Variants in SNX30 observed in about 807,000 individuals in gnomAD.
SNX30 encodes sorting nexin family member 30, also known as sorting nexin-30.
A neutral mutation model predicts 46.4 loss-of-function variants in SNX30; 24 were observed. The ratio of observed to expected loss-of-function variants is 0.52; its 90% confidence interval spans 0.37 to 0.73. The LOEUF (loss-of-function observed/expected upper bound fraction) is 0.73, where lower values mean the gene tolerates loss of function less well. Ranked by LOEUF, SNX30 falls within the 30% of genes least tolerant of loss-of-function variation. SNX30 has a pLI of 0.00. For synonymous variants in SNX30, 189 were observed against 211.5 expected (o/e 0.89, Z 0.92); for missense variants, 533 against 555.7 (o/e 0.96, Z 0.41).
chr9:112,863,127 G>A (rs1841263368), intron 7 of SNX30, among the ~76,000 whole-genome samples: 1 of 152,186 alleles, frequency 6.6e-6, no homozygotes, highest in South Asian at 2.1e-4. Context: ...AAGGTGTCCA[G>A]CTCCCTCAGG....
intron 2 of SNX30, among the ~76,000 whole-genome samples, chr9:112,809,946 A>G (rs943901475): frequency 3.9e-5 from 6 of 152,108 alleles, no homozygotes; most frequent in African/African-American, 1.4e-4. Context: ...TTGGTAGAGA[A>G]GAAGGCATTA....
At chr9:112,836,517 T>A in intron 5 of SNX30, 108 bp downstream of exon 5, 1 of 1,209,706 alleles carries the variant, frequency 8.3e-7, no homozygotes, top group Non-Finnish European at 1.1e-6. Context: ...GTGACAGAAC[T>A]AGGCCATCTT....
downstream of SNX30, among the ~76,000 whole-genome samples, chr9:112,876,761 A>C (rs1206581273): frequency 6.6e-6 from 1 of 151,536 alleles, no homozygotes; most frequent in Non-Finnish European, 1.5e-5. Flanking sequence ...ACATGGCGAA[A>C]CCTGTCTCTA....
At chr9:112,790,183 T>C (rs977143928) in intron 1 of SNX30, among the ~76,000 whole-genome samples, 2 of 152,216 alleles carry the variant, frequency 1.3e-5, no homozygotes, top group Non-Finnish European at 2.9e-5. Flanking sequence ...CTATCAATAG[T>C]TAAGATACAT....
At chr9:112,810,155 GTGGTT>G (rs1840298297) in intron 2 of SNX30, among the ~76,000 whole-genome samples, 1 of 152,124 alleles carries the variant, frequency 6.6e-6, no homozygotes, top group South Asian at 2.1e-4. Flanking sequence ...AAGGGTGGGG[GTGGTT>G]TGAAGTGGGG....
intron 1 of SNX30, among the ~76,000 whole-genome samples, chr9:112,790,544 G>A (rs1032874167): frequency 2.0e-5 from 3 of 152,190 alleles, no homozygotes; most frequent in Non-Finnish European, 2.9e-5. Flanking sequence ...GCTCTGATCC[G>A]ATGTACATTC....
At chr9:112,879,775 A>G (rs778157773), downstream of SNX30, 64 of 1,612,422 alleles carry the variant, frequency 4.0e-5, no homozygotes, top group Middle Eastern at 3.3e-4. Flanking sequence ...TTTCTCTATG[A>G]TGTCTCCATA....
intron 1 of SNX30, among the ~76,000 whole-genome samples, chr9:112,764,224 A>G (rs909876645): frequency 2.0e-5 from 3 of 152,212 alleles, no homozygotes; most frequent in Non-Finnish European, 4.4e-5. Context: ...AGCACATACT[A>G]AAGCTTAGCA....
chr9:112,831,805 T>C (rs1194754419), intron 4 of SNX30, among the ~76,000 whole-genome samples: 1 of 152,210 alleles, frequency 6.6e-6, no homozygotes, highest in Non-Finnish European at 1.5e-5. Flanking sequence ...TTGGCAGAAC[T>C]GGCCAGAAAA....
chr9:112,828,163 G>C (rs150428277), intron 3 of SNX30, among the ~76,000 whole-genome samples: 2 of 152,302 alleles, frequency 1.3e-5, no homozygotes, highest in South Asian at 2.1e-4. Flanking sequence ...TGACAAAAGC[G>C]AACTATACAG....
In SNX30 at chr9:112,758,190, G is replaced by A. The variant is rs187264129; in HGVS notation, c.156+7033G>A. On this transcript the variant is annotated intron_variant, in intron 1 of 8. Transcript: ENST00000374232. ...TGTTCCAAGGAGAGAGTCTAAGGCT[G>A]ACTGAGGGTGTAGACCCACCTGCCA... Among the ~76,000 whole-genome samples, 73 of 152,276 alleles carry A rather than the reference G, an allele frequency of 4.8e-4. No individual in the cohort carries two copies. In the East Asian group the frequency reaches 7.5e-3, roughly 16 times the overall value.
At chr9:112,842,142 G>A (rs776641092) in intron 6 of SNX30, among the ~76,000 whole-genome samples, 129 of 152,272 alleles carry the variant, frequency 8.5e-4, no homozygotes, top group African/African-American at 2.8e-3. Flanking sequence ...CAGGTTTCAC[G>A]ACGTTGGCCA....
intron 1 of SNX30, among the ~76,000 whole-genome samples, chr9:112,760,694 TCC>T (rs1839420632): frequency 6.6e-6 from 1 of 152,170 alleles, no homozygotes; most frequent in East Asian, 1.9e-4. Flanking sequence ...GGTCATAAAT[TCC>T]CTTTTGTTAA....
At chr9:112,853,725 C>T in intron 7 of SNX30, among the ~76,000 whole-genome samples, 1 of 152,248 alleles carries the variant, frequency 6.6e-6, no homozygotes, top group South Asian at 2.1e-4. Context: ...ATGGGGAAAT[C>T]GTGGTCAAAA....
intron 8 of SNX30, among the ~76,000 whole-genome samples, chr9:112,865,694 TAC>T (rs1178046618): frequency 7.1e-6 from 1 of 140,472 alleles, no homozygotes; most frequent in Non-Finnish European, 1.5e-5. Flanking sequence ...CACACACGTA[TAC>T]ACACATATAT....
At chr9:112,821,411 G>A (rs556331731) in intron 3 of SNX30, among the ~76,000 whole-genome samples, 23 of 151,560 alleles carry the variant, frequency 1.5e-4, no homozygotes, top group African/African-American at 3.6e-4. Context: ...TTATATATAT[G>A]TGTGTATATA....
chr9:112,833,872 G>A (rs771855207), intron 4 of SNX30, among the ~76,000 whole-genome samples: 1 of 152,176 alleles, frequency 6.6e-6, no homozygotes, highest in Non-Finnish European at 1.5e-5. Context: ...GAATCTTTAG[G>A]ACACTCTCTC....
At chr9:112,864,158 G>T in intron 7 of SNX30, 89 bp from the exon 8 acceptor site, 1 of 1,353,774 alleles carries the variant, frequency 7.4e-7, no homozygotes, top group Non-Finnish European at 1.0e-6. Context: ...GTAGGGCTTT[G>T]GCCTTTGACA....
At chr9:112,798,149 C>CTT (rs60666962) in intron 1 of SNX30, among the ~76,000 whole-genome samples, 1 of 82,204 alleles carries the variant, frequency 1.2e-5, no homozygotes, top group Non-Finnish European at 2.2e-5. Flanking sequence ...TTATTATACT[C>CTT]TAAGTTTTAG....
Sources: allele counts gnomAD v4.1 joint callset (sites outside exome capture counted in the v4.1 genomes callset), GRCh38; gene constraint gnomAD v4.1.1; transcripts MANE v1.5; gene names NCBI Gene and HGNC (gene_info 2026-07-23, HGNC 2026-07-21).